CACHD1: variants seen among roughly 807,000 people sequenced by gnomAD.
CACHD1 encodes the protein VWFA and cache domain-containing protein 1.
CACHD1 carries 71 observed loss-of-function variants against 138.7 expected under a neutral mutation model. The ratio of observed to expected loss-of-function variants is 0.51; its 90% CI spans 0.42 to 0.62. The LOEUF is 0.62. CACHD1 is among the 20% of genes least tolerant of loss of function. The pLI, the probability that CACHD1 is intolerant of heterozygous loss-of-function variation, is 0.00. For missense variants in CACHD1, 1,389 were observed against 1,625.3 expected, an observed-to-expected ratio of 0.85 and a Z score of 2.50; for synonymous variants, 578 against 591.5, an observed-to-expected ratio of 0.98 and a Z score of 0.33.
chr1:64,586,707 A>G (rs1448748440), intron 3 of CACHD1, among the ~76,000 whole-genome samples: 1 of 152,138 alleles, frequency 6.6e-6, no homozygotes, highest in African/African-American at 2.4e-5. Context: ...ATTTACTTCA[A>G]TATTTACTAT....
intron 3 of CACHD1, among the ~76,000 whole-genome samples, chr1:64,586,230 A>G (rs1255459979): frequency 6.6e-6 from 1 of 152,084 alleles, no homozygotes; most frequent in African/African-American, 2.4e-5. Flanking sequence ...CGCCCGGCTA[A>G]TTTTTGTATT....
At chr1:64,536,639 G>A (rs1044673904) in intron 1 of CACHD1, among the ~76,000 whole-genome samples, 4 of 152,170 alleles carry the variant, frequency 2.6e-5, no homozygotes, top group Non-Finnish European at 4.4e-5. Context: ...CACTTATCAC[G>A]TACCTCCTGC....
intron 4 of CACHD1, among the ~76,000 whole-genome samples, chr1:64,622,396 A>G (rs990021147): frequency 5.3e-5 from 8 of 152,236 alleles, no homozygotes; most frequent in African/African-American, 1.9e-4. Context: ...GCCGTTCAGC[A>G]GTTTGTTTTT....
intron 2 of CACHD1, among the ~76,000 whole-genome samples, chr1:64,573,312 G>A (rs1199178788): frequency 2.6e-5 from 4 of 152,164 alleles, no homozygotes; most frequent in African/African-American, 7.2e-5. Flanking sequence ...GCCATGTGTG[G>A]ATACCAGAAG....
At chr1:64,604,933 G>A (rs968324165) in intron 4 of CACHD1, among the ~76,000 whole-genome samples, 3 of 149,858 alleles carry the variant, frequency 2.0e-5, no homozygotes, top group Non-Finnish European at 4.4e-5. Context: ...TTACAGGCAT[G>A]AGCCACCTCG....
chr1:64,643,651 A>G (rs991872429), intron 8 of CACHD1, among the ~76,000 whole-genome samples: 3 of 152,212 alleles, frequency 2.0e-5, no homozygotes, highest in Non-Finnish European at 2.9e-5. Context: ...CCTGGCTAAC[A>G]CGGTGAAACC....
At chr1:64,612,454 A>G (rs1647569627) in intron 4 of CACHD1, among the ~76,000 whole-genome samples, 1 of 152,156 alleles carries the variant, frequency 6.6e-6, no homozygotes. Flanking sequence ...GTGGTTACTT[A>G]TCGTCGTTGT....
chr1:64,646,421 T>C (rs749943901), intron 8 of CACHD1, among the ~76,000 whole-genome samples: 6 of 152,178 alleles, frequency 3.9e-5, no homozygotes, highest in African/African-American at 9.7e-5. Flanking sequence ...TATTTAAATA[T>C]AATGTGTTTT....
Position 64,598,732 on chromosome 1 carries a change from G to A in CACHD1, c.411-4074G>A, listed in dbSNP as rs528562668. ...AACCCCATGTAACTGTAACACACAT[G>A]TATTTGGCATAGGGGGAAGGCAAAA... On this transcript the variant is annotated intron_variant, in intron 3 of 26. Transcript: ENST00000651257. Among the ~76,000 whole-genome samples the A allele has an allele frequency of 2.0e-5, 3 of 152,070 alleles. No homozygotes were observed. In the South Asian group the frequency reaches 6.2e-4, roughly 32 times the overall value.
chr1:64,578,676 G>A (rs1320495095), intron 2 of CACHD1, among the ~76,000 whole-genome samples: 1 of 152,198 alleles, frequency 6.6e-6, no homozygotes, highest in Non-Finnish European at 1.5e-5. Flanking sequence ...CACAACTTGG[G>A]CTGGGATGAC....
intron 4 of CACHD1, among the ~76,000 whole-genome samples, chr1:64,610,231 A>G (rs1343068761): frequency 6.6e-6 from 1 of 152,182 alleles, no homozygotes; most frequent in Non-Finnish European, 1.5e-5. Flanking sequence ...GCCAAACCAT[A>G]TCATTCTGCC....
chr1:64,496,744 T>A (rs1646308230), intron 1 of CACHD1, among the ~76,000 whole-genome samples: 1 of 151,946 alleles, frequency 6.6e-6, no homozygotes, highest in South Asian at 2.1e-4. Flanking sequence ...TCGGAAAGCT[T>A]TATTTATGGG....
At chr1:64,631,160 T>C (rs908792486) in intron 5 of CACHD1, among the ~76,000 whole-genome samples, 6 of 152,220 alleles carry the variant, frequency 3.9e-5, no homozygotes, top group African/African-American at 1.4e-4. Flanking sequence ...CAACTTAATG[T>C]GACAATGCCA....
intron 1 of CACHD1, among the ~76,000 whole-genome samples, chr1:64,500,753 A>T (rs2889037): frequency 0.69 from 97,782 of 141,720 alleles, 38,123 homozygotes; most frequent in Non-Finnish European, 0.84. Flanking sequence ...AGAGAGAGAG[A>T]GAGAGAGAGA....
chr1:64,486,425 C>G (rs1233535098), intron 1 of CACHD1, among the ~76,000 whole-genome samples: 3 of 151,798 alleles, frequency 2.0e-5, no homozygotes, highest in African/African-American at 7.3e-5. Context: ...CACACACACA[C>G]GTATTCAGAT....
intron 1 of CACHD1, among the ~76,000 whole-genome samples, chr1:64,480,886 C>CTTTTTTTTTTTTT (rs530847374): frequency 7.1e-5 from 10 of 140,588 alleles, no homozygotes; most frequent in African/African-American, 2.6e-4. Context: ...CTCTCTCTCC[C>CTTTTTTTTTTTTT]TTTTTTTTTT....
chr1:64,487,362 G>GGCTCA (rs1646249574), intron 1 of CACHD1, among the ~76,000 whole-genome samples: 1 of 152,068 alleles, frequency 6.6e-6, no homozygotes, highest in African/African-American at 2.4e-5. Flanking sequence ...GGATGCCTTG[G>GGCTCA]GCTCACTCTG....
At position 64,674,691 on chromosome 1, in the gene CACHD1, G is replaced by A. The variant is rs114604865; in HGVS notation, c.2728-710G>A. On this transcript the variant is annotated intron_variant, in intron 19 of 26. Transcript: ENST00000651257. ...ACCAAGCATATATACAGGGTGAATG[G>A]CATGAAACAAGCTTGAGGTGAAATA... 4.3e-3 allele frequency among the ~76,000 whole-genome samples: 662 copies of A among 152,262 alleles called. 4 individuals are homozygous for A. Among genetic ancestry groups the A allele is most frequent in the Middle Eastern group, 0.017 (5 of 292 alleles).
intron 2 of CACHD1, among the ~76,000 whole-genome samples, chr1:64,551,640 G>A (rs991056836): frequency 3.3e-5 from 5 of 152,178 alleles, no homozygotes; most frequent in African/African-American, 1.2e-4. Context: ...AGAACAGCTT[G>A]ACATTTGCAA....
Sources: allele counts gnomAD v4.1 joint callset (sites outside exome capture counted in the v4.1 genomes callset), GRCh38; gene constraint gnomAD v4.1.1; transcripts MANE v1.5; gene names NCBI Gene and HGNC (gene_info 2026-07-23, HGNC 2026-07-21).